KIRREL3: variants seen among roughly 807,000 people sequenced by gnomAD.
KIRREL3 encodes kin of IRRE-like protein 3.
KIRREL3 carries 36 observed loss-of-function variants against 89.7 expected under a neutral mutation model. The ratio of observed to expected loss-of-function variants is 0.40; its 90% CI spans 0.31 to 0.53. The LOEUF (loss-of-function observed/expected upper bound fraction) is 0.53, where lower values mean the gene tolerates loss of function less well. Among genes scored for constraint, KIRREL3 ranks in the 20% least tolerant of loss-of-function variants. The probability of loss-of-function intolerance (pLI) is 0.49; values close to 1 mark genes in which losing one functional copy is unlikely to be tolerated. For synonymous variants in KIRREL3, 445 were observed against 441.4 expected (o/e 1.01, Z -0.10); for missense variants, 864 against 1,056.6 (o/e 0.82, Z 2.53).
intron 11 of KIRREL3, 67 bp downstream of exon 11, chr11:126,440,382 A>G (rs1248788109): frequency 7.1e-7 from 1 of 1,406,258 alleles, no homozygotes; most frequent in African/African-American, 1.4e-5. Flanking sequence ...CTGGCCACCC[A>G]GGTATTGGCA....
Position 126,969,136 on chromosome 11 carries a change from G to A in KIRREL3, c.55+31319C>T, listed in dbSNP as rs1186615961. On this transcript the variant is annotated intron_variant, in intron 1 of 16. Transcript: ENST00000525144. This position sits in a 1 kb window ranked among gnomAD's most constrained non-coding sequence, Gnocchi z 4.9. Reference sequence around the variant, plus strand: ...TCTCCTGCTCAAGACAGAGGAGGGCGCTCAGGGGCCAATCAAACGACTTCT... The same window carrying A: ...TCTCCTGCTCAAGACAGAGGAGGGCACTCAGGGGCCAATCAAACGACTTCT... Among the ~76,000 whole-genome samples the A allele has an allele frequency of 6.6e-6, 1 of 152,098 alleles. No individual in the cohort carries two copies. The highest frequency in any genetic ancestry group is 2.4e-5 in the African/African-American group (1 of 41,400).
At chr11:126,810,945 G>A (rs1013589758) in intron 1 of KIRREL3, among the ~76,000 whole-genome samples, 10 of 152,308 alleles carry the variant, frequency 6.6e-5, no homozygotes, top group African/African-American at 2.4e-4. Flanking sequence ...GGGTGTGTGT[G>A]TGCACACTGG....
In KIRREL3 at chr11:126,456,432, C is replaced by T. The variant is rs371602299; in HGVS notation, c.765G>A (p.Ser255=). Reference sequence around the variant, plus strand: ...CCTCCAGCACTGGCTGTGGCTCCACCGAGAGGTTGACCAGTGGAGGGTCTG... The same window carrying T: ...CCTCCAGCACTGGCTGTGGCTCCACTGAGAGGTTGACCAGTGGAGGGTCTG... ...DIQHPPLVNL[S]VEPQPVLEDN... The change falls in exon 7 of 17, where the codon TCG becomes TCA. Residue 255 remains serine, a synonymous_variant. Coordinates refer to ENST00000525144, the MANE Select transcript of KIRREL3 (RefSeq NM_032531.4). 1.9e-4 allele frequency: 294 copies of T among 1,585,512 alleles called. No individual in the cohort carries two copies. The highest frequency in any genetic ancestry group is 2.3e-4 in the Non-Finnish European group (265 of 1,166,114).
At chr11:126,633,883 G>A (rs1032727937) in intron 1 of KIRREL3, among the ~76,000 whole-genome samples, 2 of 152,206 alleles carry the variant, frequency 1.3e-5, no homozygotes, top group African/African-American at 4.8e-5. Context: ...AGAACAGGAA[G>A]AGCATAAGTA....
chr11:126,435,559 CG>C (rs1955293495), intron 12 of KIRREL3, among the ~76,000 whole-genome samples: 1 of 35,102 alleles, frequency 2.8e-5, no homozygotes, highest in African/African-American at 1.0e-4. Flanking sequence ...TGAGAACACT[CG>C]GGGGAGGGCA....
At position 126,668,804 on chromosome 11, in the gene KIRREL3, C is replaced by A. The variant is rs186996184; in HGVS notation, c.56-105892G>T. Among the ~76,000 whole-genome samples, 21 of 149,162 alleles carry A rather than the reference C, an allele frequency of 1.4e-4. No individual in the cohort carries two copies. Among genetic ancestry groups the A allele is most frequent in the Admixed American group, 6.2e-4 (9 of 14,500 alleles). ...AAGTTCAATTCTCCTAGGTGGCTCA[C>A]CTGGGCTTTTAATAATGTTTGGCTC... On this transcript the variant is annotated intron_variant, in intron 1 of 16. Transcript: ENST00000525144. This position sits in a 1 kb window ranked among gnomAD's most constrained non-coding sequence, Gnocchi z 4.4.
chr11:126,446,871 G>A lies in KIRREL3; in HGVS notation c.1013C>T (p.Thr338Ile), dbSNP rs781389103. The A allele has an allele frequency of 1.2e-6, 2 of 1,605,412 alleles. No individual in the cohort carries two copies. The highest frequency in any genetic ancestry group is 1.7e-6 in the Non-Finnish European group (2 of 1,176,054). Reference sequence around the variant, plus strand: ...CACGAGCAAGGATTGGGGTTCTGTGGTCATCCGGGGCCCAACTGCGATGTG... The same window carrying A: ...CACGAGCAAGGATTGGGGTTCTGTGATCATCCGGGGCCCAACTGCGATGTG... ...TVDVYFGPRM[T>I]TEPQSLLVDL... is the part of the protein sequence containing the mutation. Residue 338 changes from threonine to isoleucine, a missense_variant, in exon 9 of 17, where the codon ACC becomes ATC. Coordinates refer to ENST00000525144, the MANE Select transcript of KIRREL3 (RefSeq NM_032531.4).
rs906638135 is a variant in KIRREL3 at position 126,527,265 on chromosome 11, C to T, written c.134-578G>A. ...TATGGCAGGAGGTGTGCTGAGGAGG[C>T]GTGCCATCCTACCGTGTCCTCCCTG... On this transcript the variant is annotated intron_variant, in intron 2 of 16. Transcript: ENST00000525144. The surrounding 1 kb of genome is among the most constrained non-coding windows in gnomAD (Gnocchi z 4.2). Among the ~76,000 whole-genome samples, 13 of 152,038 alleles carry T rather than the reference C, an allele frequency of 8.6e-5. No individual in the cohort carries two copies. The highest frequency in any genetic ancestry group is 1.5e-4 in the Non-Finnish European group (10 of 68,006).
At chr11:126,700,193 C>CAA (rs10572797) in intron 1 of KIRREL3, among the ~76,000 whole-genome samples, 3 of 143,966 alleles carry the variant, frequency 2.1e-5, no homozygotes, top group African/African-American at 7.7e-5. Context: ...GACTTTGTCA[C>CAA]AAAAAAAAAA....
intron 7 of KIRREL3, among the ~76,000 whole-genome samples, chr11:126,456,039 G>GTTTTTTTTTTTTTTTTTTTTTTTTTTT (rs745805898): frequency 1.5e-5 from 1 of 68,312 alleles, no homozygotes; most frequent in African/African-American, 6.1e-5. Flanking sequence ...TTTTGTTTTC[G>GTTTTTTTTTTTTTTTTTTTTTTTTTTT]TTTTTTTTTT....
chr11:126,705,656 G>A lies in KIRREL3; in HGVS notation c.56-142744C>T, dbSNP rs1047627022. ...TAATGTAAGAATGGTCTAACACTAC[G>A]TATGTGCAAGTGTATATGTATATGT... On this transcript the variant is annotated intron_variant, in intron 1 of 16. Coordinates refer to ENST00000525144, the MANE Select transcript of KIRREL3 (RefSeq NM_032531.4). The surrounding 1 kb of genome is among the most constrained non-coding windows in gnomAD (Gnocchi z 4.3). Among the ~76,000 whole-genome samples the A allele has an allele frequency of 2.6e-5, 4 of 151,848 alleles. No homozygotes were observed. Among genetic ancestry groups the A allele is most frequent in the Admixed American group, 6.6e-5 (1 of 15,252 alleles).
At chr11:126,846,245 C>T (rs560707444) in intron 1 of KIRREL3, among the ~76,000 whole-genome samples, 3 of 152,204 alleles carry the variant, frequency 2.0e-5, no homozygotes, top group East Asian at 3.9e-4. Context: ...GTTGTGCCTG[C>T]TTATTAGGCC....
intron 1 of KIRREL3, among the ~76,000 whole-genome samples, chr11:126,573,119 G>A (rs1193630123): frequency 6.6e-6 from 1 of 152,324 alleles, no homozygotes; most frequent in South Asian, 2.1e-4. Flanking sequence ...CATTCTGGGT[G>A]GAAAAGCGGC....
intron 1 of KIRREL3, among the ~76,000 whole-genome samples, chr11:126,821,551 C>T (rs939520): frequency 0.86 from 130,825 of 151,514 alleles, 56,836 homozygotes; most frequent in East Asian, 1. Flanking sequence ...TCCCATCTTA[C>T]AGGGTGAGGT....
Position 126,526,435 on chromosome 11 carries a change from G to T in KIRREL3, c.283+103C>A. The T allele has an allele frequency of 8.7e-7, 1 of 1,152,994 alleles. No individual in the cohort carries two copies. The highest frequency in any genetic ancestry group is 1.2e-6 in the Non-Finnish European group (1 of 814,392). 71.4% of individuals were successfully genotyped at this position (1,152,994 alleles called of 1,614,324 possible). ...GAGTTGCAGTGAAAGCTAGAGATTCGATACTCAGACACCTGTGAAGATGGG... is the reference window on the plus strand; with the variant it reads ...GAGTTGCAGTGAAAGCTAGAGATTCTATACTCAGACACCTGTGAAGATGGG... On this transcript the variant is annotated intron_variant, in intron 3 of 16. Transcript: ENST00000525144. The surrounding 1 kb of genome is among the most constrained non-coding windows in gnomAD (Gnocchi z 5.7).
chr11:126,427,221 T>C lies in KIRREL3; in HGVS notation c.1807-1497A>G, dbSNP rs1028058857. ...CACATCTAGGCTGTGGTTTCCTCCCTCGTAAAACTAAACACTCCACTGTGT... is the reference window on the plus strand; with the variant it reads ...CACATCTAGGCTGTGGTTTCCTCCCCCGTAAAACTAAACACTCCACTGTGT... On this transcript the variant is annotated intron_variant, in intron 15 of 16. Coordinates refer to ENST00000525144, the MANE Select transcript of KIRREL3 (RefSeq NM_032531.4). The surrounding 1 kb of genome is among the most constrained non-coding windows in gnomAD (Gnocchi z 5.3). Among the ~76,000 whole-genome samples, 3 of 152,196 alleles carry C rather than the reference T, an allele frequency of 2.0e-5. No homozygotes were observed. Among genetic ancestry groups the C allele is most frequent in the Non-Finnish European group, 4.4e-5 (3 of 68,030 alleles).
At position 126,570,325 on chromosome 11, in the gene KIRREL3, T is replaced by A. The variant is rs558887134; in HGVS notation, c.56-7413A>T. 5.3e-5 allele frequency among the ~76,000 whole-genome samples: 8 copies of A among 152,344 alleles called. No individual in the cohort carries two copies. In the East Asian group the frequency reaches 1.5e-3, roughly 29 times the overall value. Reference sequence around the variant, plus strand: ...ATATTATCAATTAGTTGTTTTAAACTATTGATTTGTATTTAATTAACTATG... The same window carrying A: ...ATATTATCAATTAGTTGTTTTAAACAATTGATTTGTATTTAATTAACTATG... On this transcript the variant is annotated intron_variant, in intron 1 of 16. Transcript: ENST00000525144. The surrounding 1 kb of genome is among the most constrained non-coding windows in gnomAD (Gnocchi z 6.1).
rs1361810165 is a variant in KIRREL3, at chr11:126,612,010, C to A, written c.56-49098G>T. The stretch of plus-strand genomic sequence containing the variant: ...AAGCAAGCCTCCCAGCCCAGTCAGC[C>A]CCTGTGCACTCTCATGTTACCTGTG... On this transcript the variant is annotated intron_variant, in intron 1 of 16. Transcript: ENST00000525144. This position sits in a 1 kb window ranked among gnomAD's most constrained non-coding sequence, Gnocchi z 4.5. Among the ~76,000 whole-genome samples the A allele has an allele frequency of 2.6e-5, 4 of 152,202 alleles. No homozygotes were observed. Among genetic ancestry groups the A allele is most frequent in the Non-Finnish European group, 5.9e-5 (4 of 68,034 alleles).
chr11:126,451,090 T>TGCATGTGC (rs1956097798), intron 7 of KIRREL3, among the ~76,000 whole-genome samples: 1 of 134,950 alleles, frequency 7.4e-6, no homozygotes, highest in African/African-American at 2.8e-5. Flanking sequence ...CGTGTGTGCA[T>TGCATGTGC]ATGTGTCCAT....
Sources: allele counts gnomAD v4.1 joint callset (sites outside exome capture counted in the v4.1 genomes callset), GRCh38; gene constraint gnomAD v4.1.1; non-coding constraint Gnocchi (gnomAD v3.1); transcripts MANE v1.5; gene names NCBI Gene and HGNC (gene_info 2026-07-23, HGNC 2026-07-21).